The following VRK2 variants were observed in gnomAD, a reference collection of about 807,000 sequenced individuals.
The protein encoded by VRK2 is VRK serine/threonine kinase 2, also known as serine/threonine-protein kinase VRK2.
VRK2 carries 60 observed loss-of-function variants against 57.6 expected under a neutral mutation model. That is an observed-to-expected ratio of 1.04 (90% CI 0.85 to 1.29). The LOEUF (loss-of-function observed/expected upper bound fraction) is 1.29. Among genes scored for constraint, VRK2 ranks in the 50% most tolerant of loss-of-function variants. VRK2 has a pLI of 0.00. For synonymous variants in VRK2, 231 were observed against 199.2 expected (o/e 1.16, Z -1.35); for missense variants, 705 against 588.1 (o/e 1.20, Z -2.06).
At chr2:57,944,380 G>T (rs536290012) in intron 1 of VRK2, among the ~76,000 whole-genome samples, 2 of 152,352 alleles carry the variant, frequency 1.3e-5, no homozygotes, top group East Asian at 3.9e-4. Flanking sequence ...GATGGACAAA[G>T]AATGGAAAAC....
intron 1 of VRK2, among the ~76,000 whole-genome samples, chr2:58,024,021 C>T (rs1673844785): frequency 6.6e-6 from 1 of 150,558 alleles, no homozygotes; most frequent in Non-Finnish European, 1.5e-5. Flanking sequence ...CTCTGTAGCC[C>T]AGGCTGGAGT....
intron 1 of VRK2, among the ~76,000 whole-genome samples, chr2:57,934,730 T>C (rs1670848951): frequency 6.6e-6 from 1 of 152,198 alleles, no homozygotes; most frequent in South Asian, 2.1e-4. Context: ...TGGTGTCCCA[T>C]ACCTCCCATA....
chr2:58,121,357 A>C (rs1677488626), intron 7 of VRK2, among the ~76,000 whole-genome samples: 1 of 152,188 alleles, frequency 6.6e-6, no homozygotes, highest in African/African-American at 2.4e-5. Flanking sequence ...CATTTTTCTG[A>C]TATCTGCTTT....
At position 57,980,981 on chromosome 2, in the gene VRK2, T is replaced by C. The variant is rs530755306; in HGVS notation, c.-438-44684T>C. Among the ~76,000 whole-genome samples the C allele has an allele frequency of 7.2e-5, 11 of 152,326 alleles. No homozygotes were observed. In the South Asian group the frequency reaches 8.3e-4, roughly 11 times the overall value. On this transcript the variant is annotated intron_variant, in intron 1 of 15. Coordinates refer to the VRK2 transcript ENST00000417641. ...TATACAGTTGGGTCTTGCTTCTTTA[T>C]CCAACTTGCCACTGTGTCTTTTAAG...
intron 1 of VRK2, among the ~76,000 whole-genome samples, chr2:57,930,201 T>C (rs1171940958): frequency 2.0e-5 from 3 of 152,198 alleles, no homozygotes; most frequent in Admixed American, 6.5e-5. Flanking sequence ...CAGAGTACTT[T>C]AGCCTGCTAT....
chr2:57,992,578 G>A (rs996943106), intron 1 of VRK2, among the ~76,000 whole-genome samples: 2 of 151,880 alleles, frequency 1.3e-5, no homozygotes, highest in Non-Finnish European at 2.9e-5. Flanking sequence ...CGCCCAGGCC[G>A]GACTGCGGAC....
chr2:58,024,138 G>A (rs989923031), intron 1 of VRK2, among the ~76,000 whole-genome samples: 7 of 151,776 alleles, frequency 4.6e-5, no homozygotes, highest in Admixed American at 3.3e-4. Flanking sequence ...TACAGGCGCC[G>A]GCCACCAAAT....
At chr2:57,992,585 G>A (rs934335937) in intron 1 of VRK2, among the ~76,000 whole-genome samples, 2 of 151,930 alleles carry the variant, frequency 1.3e-5, no homozygotes, top group Non-Finnish European at 2.9e-5. Flanking sequence ...GCCGGACTGC[G>A]GACTGCAGTG....
intron 1 of VRK2, among the ~76,000 whole-genome samples, chr2:57,914,876 G>T (rs989365913): frequency 2.0e-5 from 3 of 152,070 alleles, no homozygotes; most frequent in Non-Finnish European, 4.4e-5. Context: ...AAAGTCTGGA[G>T]GGGATTCCAT....
At chr2:57,984,155 G>C (rs564393373) in intron 1 of VRK2, among the ~76,000 whole-genome samples, 1 of 152,264 alleles carries the variant, frequency 6.6e-6, no homozygotes, top group Non-Finnish European at 1.5e-5. Context: ...CATAGAAAAA[G>C]TGCTGATGTA....
chr2:58,072,642 A>G (rs1489005091), intron 2 of VRK2, among the ~76,000 whole-genome samples: 1 of 151,976 alleles, frequency 6.6e-6, no homozygotes, highest in Non-Finnish European at 1.5e-5. Flanking sequence ...CTTTTTATGC[A>G]TTGATGGATT....
intron 1 of VRK2, among the ~76,000 whole-genome samples, chr2:57,979,455 G>A (rs1448192229): frequency 6.6e-6 from 1 of 151,062 alleles, no homozygotes; most frequent in Non-Finnish European, 1.5e-5. Flanking sequence ...TTATTTTGTT[G>A]AGGATATTGC....
chr2:58,130,389 A>C (rs1003083996), intron 8 of VRK2, among the ~76,000 whole-genome samples: 1 of 152,082 alleles, frequency 6.6e-6, no homozygotes, highest in Admixed American at 6.5e-5. Context: ...TGTGGTAGAG[A>C]TTGTGTTTTT....
At chr2:57,912,765 C>T (rs1424483750) in intron 1 of VRK2, among the ~76,000 whole-genome samples, 1 of 152,112 alleles carries the variant, frequency 6.6e-6, no homozygotes, top group East Asian at 1.9e-4. Context: ...TTGCTTAGAA[C>T]AGGAAAGGAA....
intron 8 of VRK2, among the ~76,000 whole-genome samples, chr2:58,130,475 C>T (rs1423545059): frequency 6.6e-6 from 1 of 152,132 alleles, no homozygotes; most frequent in Non-Finnish European, 1.5e-5. Flanking sequence ...ACCCATGGGA[C>T]TGTAGCATTC....
chr2:57,984,414 C>T (rs1377703749), intron 1 of VRK2, among the ~76,000 whole-genome samples: 2 of 152,080 alleles, frequency 1.3e-5, no homozygotes, highest in South Asian at 4.1e-4. Flanking sequence ...TAGGTCATTT[C>T]TAGAATCCAA....
At chr2:57,934,535 C>A (rs1670840244) in intron 1 of VRK2, among the ~76,000 whole-genome samples, 1 of 152,148 alleles carries the variant, frequency 6.6e-6, no homozygotes, top group Admixed American at 6.5e-5. Flanking sequence ...TGATTTTATT[C>A]TGTCTTGGTA....
rs1281787364 is a variant in VRK2, at chr2:58,142,688, G to A, written c.1023+2856G>A. 1.9e-4 allele frequency among the ~76,000 whole-genome samples: 29 copies of A among 151,930 alleles called. 1 individual carries two copies. Reference sequence around the variant, plus strand: ...CAATATTTCAATAAGAATGCTTATTGAGGTGAGCTAAAGCTCTAGAATTCC... The same window carrying A: ...CAATATTTCAATAAGAATGCTTATTAAGGTGAGCTAAAGCTCTAGAATTCC... On this transcript the variant is annotated intron_variant, in intron 11 of 12. Coordinates refer to ENST00000340157, the MANE Select transcript of VRK2 (RefSeq NM_006296.7).
chr2:58,147,206 G>C (rs574591845), intron 12 of VRK2: 1 of 517,620 alleles, frequency 1.9e-6, no homozygotes, highest in South Asian at 1.4e-5. Flanking sequence ...ACTGAATTTG[G>C]CTCTGAACTT....
Sources: allele counts gnomAD v4.1 joint callset (sites outside exome capture counted in the v4.1 genomes callset), GRCh38; gene constraint gnomAD v4.1.1; transcripts MANE v1.5; gene names NCBI Gene and HGNC (gene_info 2026-07-23, HGNC 2026-07-21).